The following CDKL1 variants were observed in gnomAD, a reference collection of about 807,000 sequenced individuals.
The protein encoded by CDKL1 is cyclin-dependent kinase-like 1.
Under a neutral mutation model 42.0 loss-of-function variants are expected in CDKL1, and 41 were observed. The observed-to-expected ratio is 0.98, with a 90% CI of 0.76 to 1.27. The LOEUF (loss-of-function observed/expected upper bound fraction) is 1.27. Among genes scored for constraint, CDKL1 ranks in the 50% most tolerant of loss-of-function variants. CDKL1 has a pLI of 0.00. For synonymous variants in CDKL1, 153 were observed against 158.6 expected (o/e 0.96, Z 0.26); for missense variants, 394 against 428.4 (o/e 0.92, Z 0.71).
intron 2 of CDKL1, among the ~76,000 whole-genome samples, chr14:50,392,110 G>A (rs1433746817): frequency 6.6e-6 from 1 of 152,154 alleles, no homozygotes; most frequent in Non-Finnish European, 1.5e-5. Context: ...TGGAGACACA[G>A]AGCATCCCCT....
At chr14:50,389,959 T>C (rs368003145) in intron 2 of CDKL1, among the ~76,000 whole-genome samples, 6 of 152,194 alleles carry the variant, frequency 3.9e-5, no homozygotes, top group Non-Finnish European at 8.8e-5. Context: ...TGGCAAATCA[T>C]TAACCATACT....
intron 2 of CDKL1, among the ~76,000 whole-genome samples, chr14:50,380,812 T>TTTTTTTTTTTGG (rs1447417583): frequency 3.5e-4 from 53 of 150,600 alleles, no homozygotes; most frequent in Non-Finnish European, 1.0e-4. Context: ...CTTTTTTTTT[T>TTTTTTTTTTTGG]GGGACAGAGC....
At chr14:50,330,766 A>AATG (rs2032892360) in intron 9 of CDKL1, 1 of 152,544 alleles carries the variant, frequency 6.6e-6, no homozygotes, top group African/African-American at 2.4e-5. Flanking sequence ...ATTTATTGTC[A>AATG]ATGTCAAATG....
chr14:50,332,850 C>T (rs11570873), intron 8 of CDKL1: 10,151 of 516,506 alleles, frequency 0.02, 630 homozygotes, highest in East Asian at 0.18. Flanking sequence ...ATACAGCATA[C>T]AGCAAAGTCT....
intron 9 of CDKL1, 52 bp from the exon 10 acceptor site, chr14:50,330,233 T>A: frequency 6.4e-7 from 1 of 1,571,810 alleles, no homozygotes; most frequent in Non-Finnish European, 8.5e-7. Context: ...TGCATTTTTT[T>A]CATTATTTAG....
intron 2 of CDKL1, chr14:50,376,200 G>A (rs1438504579): frequency 3.4e-6 from 1 of 290,068 alleles, no homozygotes; most frequent in Non-Finnish European, 7.3e-6. Context: ...ACTATACCAT[G>A]CTAATATAAG....
In CDKL1 at chr14:50,359,301, C is replaced by A. The variant is rs554427400; in HGVS notation, c.169-152G>T. 24 of 844,228 alleles carry A rather than the reference C, an allele frequency of 2.8e-5. No homozygotes were observed. In the African/African-American group the frequency reaches 3.6e-4, roughly 13 times the overall value. The allele number at this position is 844,228 out of a possible 1,614,324, so 52.3% of individuals were successfully genotyped here. A position where few individuals can be genotyped will look rare whatever the true frequency, so the allele number is the denominator to read the frequency against. ...AACAGTATCATCTTACCCCTCTTAACAAGCTATTTGTCAGTAGCTTGTAAG... is the reference window on the plus strand; with the variant it reads ...AACAGTATCATCTTACCCCTCTTAAAAAGCTATTTGTCAGTAGCTTGTAAG... On this transcript the variant is annotated intron_variant, in intron 2 of 9. Transcript: ENST00000395834.
intron 7 of CDKL1, chr14:50,335,773 C>G: frequency 1.0e-6 from 1 of 985,358 alleles, no homozygotes; most frequent in Non-Finnish European, 1.2e-6. Flanking sequence ...ATCAAACAGT[C>G]CTGGTGCTGT....
chr14:50,390,334 C>T (rs973523224), intron 2 of CDKL1: 1 of 1,366,402 alleles, frequency 7.3e-7, no homozygotes. Context: ...CTGTCCTTGA[C>T]CTCCAACTCC....
At chr14:50,342,350 C>T in intron 4 of CDKL1, 128 bp from the exon 5 acceptor site, 2 of 1,456,810 alleles carry the variant, frequency 1.4e-6, no homozygotes, top group Non-Finnish European at 1.8e-6. Flanking sequence ...TGGACAACAG[C>T]AAAAGAGCAG....
chr14:50,363,100 CTGCA>C, intron 2 of CDKL1: 5 of 311,844 alleles, frequency 1.6e-5, no homozygotes, highest in Non-Finnish European at 1.5e-5. Flanking sequence ...CTGCGAAGGT[CTGCA>C]GCTTCACTCT....
At chr14:50,383,270 C>G (rs1364579840) in intron 2 of CDKL1, among the ~76,000 whole-genome samples, 1 of 151,778 alleles carries the variant, frequency 6.6e-6, no homozygotes, top group Non-Finnish European at 1.5e-5. Context: ...ACACTGTCGG[C>G]TGGGCGTGGT....
chr14:50,366,791 G>GTTTACACA (rs1236500155), intron 2 of CDKL1, among the ~76,000 whole-genome samples: 1 of 152,018 alleles, frequency 6.6e-6, no homozygotes, highest in African/African-American at 2.4e-5. Context: ...TGACACAAAG[G>GTTTACACA]TTTACACACT....
intron 7 of CDKL1, among the ~76,000 whole-genome samples, chr14:50,338,241 A>G (rs2033380534): frequency 6.6e-6 from 1 of 151,984 alleles, no homozygotes; most frequent in African/African-American, 2.4e-5. Context: ...TTATTTTGGA[A>G]AGAGTCTTGC....
intron 2 of CDKL1, among the ~76,000 whole-genome samples, chr14:50,379,910 G>C (rs1247923940): frequency 1.3e-5 from 2 of 152,188 alleles, no homozygotes; most frequent in African/African-American, 2.4e-5. Flanking sequence ...AAAATACTCA[G>C]ACCTTTCAAG....
chr14:50,380,256 T>C (rs1255415078), intron 2 of CDKL1: 3 of 530,324 alleles, frequency 5.7e-6, no homozygotes, highest in South Asian at 4.2e-5. Flanking sequence ...GAAAATGCAG[T>C]GATGAGTACC....
intron 3 of CDKL1, among the ~76,000 whole-genome samples, chr14:50,354,182 T>G (rs983586113): frequency 3.9e-5 from 6 of 152,198 alleles, no homozygotes; most frequent in Non-Finnish European, 8.8e-5. Flanking sequence ...CTTGAACTCC[T>G]GACCTTAAGT....
intron 8 of CDKL1, chr14:50,332,722 T>C (rs1456638975): frequency 1.8e-5 from 28 of 1,520,380 alleles, no homozygotes; most frequent in Non-Finnish European, 2.4e-5. Flanking sequence ...TTTTAGAGTT[T>C]ACCTCAGTGG....
intron 4 of CDKL1, chr14:50,342,545 C>T: frequency 1.9e-6 from 1 of 522,670 alleles, no homozygotes; most frequent in Non-Finnish European, 2.6e-6. Flanking sequence ...TAGGATAATA[C>T]ATCCCATGAA....
Sources: allele counts gnomAD v4.1 joint callset (sites outside exome capture counted in the v4.1 genomes callset), GRCh38; gene constraint gnomAD v4.1.1; transcripts MANE v1.5; gene names NCBI Gene and HGNC (gene_info 2026-07-23, HGNC 2026-07-21).